ZDHHC11: variants seen among roughly 807,000 people sequenced by gnomAD.
ZDHHC11 encodes the protein palmitoyltransferase ZDHHC11.
In ZDHHC11, 44 loss-of-function variants were observed where a neutral mutation model predicts 51.3. That is an observed-to-expected ratio of 0.86 (90% CI 0.67 to 1.10). The LOEUF is 1.10. Among genes scored for constraint, ZDHHC11 ranks in the 50% least tolerant of loss-of-function variants. ZDHHC11 has a pLI of 0.00. For synonymous variants in ZDHHC11, 163 were observed against 222.0 expected (o/e 0.73, Z 2.36); for missense variants, 400 against 537.7 (o/e 0.74, Z 2.53).
chr5:833,099 A>C (rs1173092659), intron 7 of ZDHHC11, among the ~76,000 whole-genome samples: 4 of 152,164 alleles, frequency 2.6e-5, no homozygotes, highest in Non-Finnish European at 4.4e-5. Context: ...TTTTCTTTGA[A>C]TAAAACTAAG....
chr5:828,344 C>T (rs551858334), intron 7 of ZDHHC11, among the ~76,000 whole-genome samples: 202 of 150,982 alleles, frequency 1.3e-3, no homozygotes, highest in African/African-American at 4.5e-3. Context: ...CTCCCAGATG[C>T]GGCAGCTGGC....
intron 6 of ZDHHC11, 26 bp downstream of exon 6, chr5:837,339 A>G (rs769033662): frequency 2.5e-6 from 4 of 1,613,328 alleles, no homozygotes; most frequent in African/African-American, 2.7e-5. Flanking sequence ...AGGCCTGGAG[A>G]AATGGAGCAG....
chr5:833,873 T>C (rs1743398561), intron 6 of ZDHHC11, 66 bp from the exon 7 acceptor site: 4 of 1,574,734 alleles, frequency 2.5e-6, no homozygotes, highest in Non-Finnish European at 3.5e-6. Context: ...GATTCTTACA[T>C]AAAAGTGACG....
chr5:816,858 G>A (rs1740867161), intron 10 of ZDHHC11: 2 of 469,688 alleles, frequency 4.3e-6, no homozygotes, highest in South Asian at 3.7e-5. Context: ...TCATCAGCAG[G>A]AGAACAAAGC....
chr5:822,581 G>T (rs1206969339), intron 8 of ZDHHC11, among the ~76,000 whole-genome samples: 1 of 151,640 alleles, frequency 6.6e-6, no homozygotes, highest in Admixed American at 6.6e-5. Context: ...CAAACTGCTC[G>T]CCAATGTGGC....
At chr5:830,862 A>C (rs1478275823) in intron 7 of ZDHHC11, among the ~76,000 whole-genome samples, 1 of 148,280 alleles carries the variant, frequency 6.7e-6, no homozygotes, top group East Asian at 1.9e-4. Context: ...AACAAACAAA[A>C]GACATCAAGT....
At chr5:819,880 A>G (rs1579619206) in intron 9 of ZDHHC11, among the ~76,000 whole-genome samples, 2 of 151,044 alleles carry the variant, frequency 1.3e-5, no homozygotes, top group East Asian at 3.9e-4. Flanking sequence ...TGCGAGCCCC[A>G]CCCTAGACCA....
At chr5:827,596 C>G (rs1742451509) in intron 7 of ZDHHC11, among the ~76,000 whole-genome samples, 1 of 151,006 alleles carries the variant, frequency 6.6e-6, no homozygotes, top group African/African-American at 2.4e-5. Flanking sequence ...ATACCAGACT[C>G]AACAGACTTT....
chr5:860,334 T>TG (rs1748729178), upstream of ZDHHC11, among the ~76,000 whole-genome samples: 1 of 152,154 alleles, frequency 6.6e-6, no homozygotes, highest in Non-Finnish European at 1.5e-5. The surrounding 1 kb of genome is among the most constrained non-coding windows in gnomAD (Gnocchi z 4.2). Flanking sequence ...TGGAGTGGCT[T>TG]GTGAGGCCTC....
intron 11 of ZDHHC11, among the ~76,000 whole-genome samples, chr5:803,605 T>C (rs530989908): frequency 5.9e-4 from 89 of 150,860 alleles, no homozygotes; most frequent in African/African-American, 1.9e-3. Flanking sequence ...TATAAAGAAA[T>C]AGAATAATAT....
At chr5:811,713 A>G (rs145461581) in intron 11 of ZDHHC11, among the ~76,000 whole-genome samples, 11,239 of 147,572 alleles carry the variant, frequency 0.076, 22 homozygotes, top group East Asian at 0.2. Context: ...TGTATATTTA[A>G]TATAATTTTG....
chr5:841,908 C>CT (rs1465078006), intron 4 of ZDHHC11: 1 of 989,248 alleles, frequency 1.0e-6, no homozygotes, highest in East Asian at 1.1e-4. Context: ...AACTGGTGGC[C>CT]TCGGGGCCAT....
rs778995438 is a variant in ZDHHC11 at position 840,475 on chromosome 5, G to A, written c.784+20C>T. 2 of 1,613,240 alleles carry A rather than the reference G, an allele frequency of 1.2e-6. No individual in the cohort carries two copies. The highest frequency in any genetic ancestry group is 2.2e-5 in the East Asian group (1 of 44,892). ...CCACCCAGCCTTGGGGGGATCGGGG[G>A]CTTAGGGTGGGGGACATACTCAGGT... On this transcript the variant is annotated intron_variant, in intron 5 of 12. Transcript: ENST00000283441.
intron 7 of ZDHHC11, among the ~76,000 whole-genome samples, chr5:827,229 T>C (rs1332240845): frequency 6.8e-6 from 1 of 146,922 alleles, no homozygotes; most frequent in East Asian, 2.0e-4. Flanking sequence ...CTAAAAGGAG[T>C]TCCAAATCTT....
intron 3 of ZDHHC11, among the ~76,000 whole-genome samples, chr5:844,703 G>A (rs1745833075): frequency 1.3e-5 from 2 of 152,312 alleles, no homozygotes; most frequent in Non-Finnish European, 2.9e-5. Flanking sequence ...CTCGGGCTGA[G>A]GAGGCCCTGG....
chr5:797,921 G>A (rs1182031753), intron 12 of ZDHHC11, among the ~76,000 whole-genome samples: 2 of 150,840 alleles, frequency 1.3e-5, no homozygotes, highest in Non-Finnish European at 3.0e-5. Context: ...GGAATGACCA[G>A]TTCAGAATCA....
chr5:859,130 G>A (rs1206204912), upstream of ZDHHC11, among the ~76,000 whole-genome samples: 3 of 152,030 alleles, frequency 2.0e-5, no homozygotes, highest in Admixed American at 6.6e-5. Context: ...GCATGCAGTG[G>A]TCCATTTCCA....
In ZDHHC11 at chr5:838,383, G is replaced by T. The variant is rs900292777; in HGVS notation, c.785-903C>A. Reference sequence around the variant, plus strand: ...GCTTCTTTCCCTAAACACCAACACCGTGAGAGCCGATGTCTTGTGACTATT... The same window carrying T: ...GCTTCTTTCCCTAAACACCAACACCTTGAGAGCCGATGTCTTGTGACTATT... On this transcript the variant is annotated intron_variant, in intron 5 of 12. Coordinates refer to ENST00000283441, the MANE Select transcript of ZDHHC11 (RefSeq NM_024786.3). Among the ~76,000 whole-genome samples the T allele has an allele frequency of 5.3e-5, 8 of 152,252 alleles. No individual in the cohort carries two copies. The East Asian group carries it at 5.8e-4, about 11-fold the overall frequency.
At chr5:805,358 A>G (rs1425302274) in intron 11 of ZDHHC11, among the ~76,000 whole-genome samples, 1 of 150,756 alleles carries the variant, frequency 6.6e-6, no homozygotes, top group African/African-American at 2.4e-5. Context: ...AGATTGCTTG[A>G]GCCCAGGAGT....
Sources: gnomAD v4.1 joint callset for allele counts (sites outside exome capture counted in the v4.1 genomes callset) on GRCh38, gnomAD v4.1.1 for gene constraint, Gnocchi (gnomAD v3.1) non-coding constraint, MANE v1.5 for transcripts, NCBI Gene and HGNC (gene_info 2026-07-23, HGNC 2026-07-21) for gene names.